The following CDC42EP3 variants were observed in gnomAD, a reference collection of about 807,000 sequenced individuals.
CDC42EP3 encodes the protein CDC42 effector protein 3.
CDC42EP3 carries 4 observed loss-of-function variants against 15.5 expected under a neutral mutation model. That is an observed-to-expected ratio of 0.26 (90% CI 0.13 to 0.59). The LOEUF (loss-of-function observed/expected upper bound fraction) is 0.59, where lower values mean the gene tolerates loss of function less well. CDC42EP3 is among the 20% of genes least tolerant of loss of function. CDC42EP3 has a pLI of 0.89. For synonymous variants in CDC42EP3, 145 were observed against 130.3 expected, an observed-to-expected ratio of 1.11 and a Z score of -0.77; for missense variants, 309 against 311.2, an observed-to-expected ratio of 0.99 and a Z score of 0.05.
At chr2:37,650,301 C>A (rs944618453) in intron 1 of CDC42EP3, among the ~76,000 whole-genome samples, 13 of 152,230 alleles carry the variant, frequency 8.5e-5, no homozygotes, top group African/African-American at 2.9e-4. Context: ...GTCCATGCAG[C>A]TTGATCAGTT....
chr2:37,665,788 C>G (rs1276820002), intron 1 of CDC42EP3, among the ~76,000 whole-genome samples: 1 of 152,128 alleles, frequency 6.6e-6, no homozygotes, highest in Non-Finnish European at 1.5e-5. Flanking sequence ...CTGCACGGGT[C>G]TGTTTTTCAA....
At chr2:37,666,272 G>C (rs79004496) in intron 1 of CDC42EP3, among the ~76,000 whole-genome samples, 2,786 of 152,280 alleles carry the variant, frequency 0.018, 97 homozygotes, top group African/African-American at 0.062. Context: ...CTCTGGACAC[G>C]ACCTCCCTGT....
At chr2:37,650,245 G>A (rs1262005816) in intron 1 of CDC42EP3, among the ~76,000 whole-genome samples, 1 of 152,122 alleles carries the variant, frequency 6.6e-6, no homozygotes, top group African/African-American at 2.4e-5. Flanking sequence ...ATAATTTCTC[G>A]AACTGACCAC....
rs942275809 is a variant in CDC42EP3 at position 37,644,778 on chromosome 2, A to C, written c.*1045T>G. On this transcript the variant is annotated 3_prime_UTR_variant, in exon 2 of 2. Transcript: ENST00000295324. Reference sequence around the variant, plus strand: ...GGCTCATGTACATTTCAGAGAAGCAATTTCTCTAGCTATACTTATTCTCTT... The same window carrying C: ...GGCTCATGTACATTTCAGAGAAGCACTTTCTCTAGCTATACTTATTCTCTT... 1.3e-5 allele frequency: 2 copies of C among 152,154 alleles called. No individual in the cohort carries two copies. Among genetic ancestry groups the C allele is most frequent in the Admixed American group, 6.5e-5 (1 of 15,286 alleles). 9.4% of individuals were successfully genotyped at this position (152,154 alleles called of 1,614,324 possible).
In CDC42EP3 at chr2:37,643,513, A is replaced by C. The variant is rs944571638; in HGVS notation, c.*2310T>G. ...GGCAGGATGTGTGATTAATATTTAG[A>C]ATCTATCAAACCCAGTACTGGCAGG... On this transcript the variant is annotated 3_prime_UTR_variant, in exon 2 of 2. Coordinates refer to ENST00000295324, the MANE Select transcript of CDC42EP3 (RefSeq NM_006449.5). 6.6e-6 allele frequency: 1 copy of C among 152,190 alleles called. No homozygotes were observed. The highest frequency in any genetic ancestry group is 1.5e-5 in the Non-Finnish European group (1 of 68,030). The allele number at this position is 152,190 out of a possible 1,614,324, so 9.4% of individuals were successfully genotyped here.
Position 37,649,445 on chromosome 2 carries a change from C to CAAA in CDC42EP3, c.-235-2626_-235-2624dup, listed in dbSNP as rs57232687. Among the ~76,000 whole-genome samples, 9 of 48,154 alleles carry CAAA rather than the reference C, an allele frequency of 1.9e-4. 1 individual carries two copies. The highest frequency in any genetic ancestry group is 3.7e-4 in the African/African-American group (5 of 13,536). The allele number at this position is 48,154 out of a possible 152,430, so 31.6% of individuals were successfully genotyped here. ...ACTACAGCCTAGCAAGGCCTTGTCTCAAAAAAAAAAAAAAAAAAAAAAAAA... is the reference window on the plus strand; with the variant it reads ...ACTACAGCCTAGCAAGGCCTTGTCTCAAAAAAAAAAAAAAAAAAAAAAAAAAAA... On this transcript the variant is annotated intron_variant, in intron 1 of 1. Transcript: ENST00000295324.
chr2:37,667,659 A>G (rs186237233), intron 1 of CDC42EP3, among the ~76,000 whole-genome samples: 44 of 152,348 alleles, frequency 2.9e-4, no homozygotes, highest in African/African-American at 8.9e-4. Context: ...CTTTAATAAT[A>G]AAATAATTTA....
chr2:37,666,223 G>A (rs544933306), intron 1 of CDC42EP3, among the ~76,000 whole-genome samples: 7 of 152,260 alleles, frequency 4.6e-5, no homozygotes, highest in Non-Finnish European at 8.8e-5. Context: ...CTGCCAGGCT[G>A]GTCCTGCAGC....
intron 1 of CDC42EP3, among the ~76,000 whole-genome samples, chr2:37,660,297 T>C (rs1433037444): frequency 6.6e-6 from 1 of 152,242 alleles, no homozygotes; most frequent in African/African-American, 2.4e-5. Context: ...GTCTCCACAG[T>C]TGGAAGGGAT....
intron 1 of CDC42EP3, among the ~76,000 whole-genome samples, chr2:37,656,990 A>ACCCCCC (rs1558340416): frequency 9.5e-5 from 4 of 42,306 alleles, no homozygotes; most frequent in Non-Finnish European, 1.5e-4. Context: ...CCCCCCCCCC[A>ACCCCCC]CCCCCCGCCC....
rs1438425596 is a variant in CDC42EP3 at position 37,645,439 on chromosome 2, T to G, written c.*384A>C. ...AGGTGTTAAATAAATTTTGACTTCCTCTTGCTCAGAAAATGTCGGAGTGCT... is the reference window on the plus strand; with the variant it reads ...AGGTGTTAAATAAATTTTGACTTCCGCTTGCTCAGAAAATGTCGGAGTGCT... On this transcript the variant is annotated 3_prime_UTR_variant, in exon 2 of 2. Coordinates refer to ENST00000295324, the MANE Select transcript of CDC42EP3 (RefSeq NM_006449.5). 1.2e-5 allele frequency: 2 copies of G among 161,174 alleles called. No homozygotes were observed. Among genetic ancestry groups the G allele is most frequent in the African/African-American group, 2.4e-5 (1 of 41,786 alleles). 10.0% of individuals were successfully genotyped at this position (161,174 alleles called of 1,614,324 possible).
chr2:37,672,679 T>C (rs1311208529), upstream of CDC42EP3: 1 of 152,168 alleles, frequency 6.6e-6, no homozygotes, highest in Non-Finnish European at 1.5e-5. Flanking sequence ...GAAAGGGCGG[T>C]GTTTTCCGGC....
At chr2:37,670,274 T>C (rs1001742619) in intron 1 of CDC42EP3, among the ~76,000 whole-genome samples, 1 of 152,148 alleles carries the variant, frequency 6.6e-6, no homozygotes, top group Non-Finnish European at 1.5e-5. Context: ...TAAAAGGCAG[T>C]ACTCCCAAGA....
Position 37,671,271 on chromosome 2 carries a change from T to C in CDC42EP3, c.-236+155A>G, listed in dbSNP as rs78133183. Among the ~76,000 whole-genome samples the C allele has an allele frequency of 4.2e-3, 641 of 152,324 alleles. 6 individuals are homozygous for C. Among genetic ancestry groups the C allele is most frequent in the African/African-American group, 0.014 (601 of 41,576 alleles). Reference sequence around the variant, plus strand: ...CTTGCTTTATGTCCCCTTCGTTCCGTTGGACACTAGATGGGAAAGCGATGC... The same window carrying C: ...CTTGCTTTATGTCCCCTTCGTTCCGCTGGACACTAGATGGGAAAGCGATGC... On this transcript the variant is annotated intron_variant, in intron 1 of 1. Coordinates refer to ENST00000295324, the MANE Select transcript of CDC42EP3 (RefSeq NM_006449.5).
rs2231501 is a variant in CDC42EP3, at chr2:37,646,788, T to A, written c.-201A>T. 3.6e-3 allele frequency: 1,930 copies of A among 538,574 alleles called. 48 individuals carry two copies. The East Asian group carries it at 0.052, about 14-fold the overall frequency. The allele number at this position is 538,574 out of a possible 1,614,324, so 33.4% of individuals were successfully genotyped here. The stretch of plus-strand genomic sequence containing the variant: ...AAGTGAGGCTTCCTAGAGAGCCAGT[T>A]ACATCATCCAGTCTTGACCACAACC... On this transcript the variant is annotated 5_prime_UTR_variant, in exon 2 of 2. An upstream open reading frame in the 5' UTR loses its in-frame stop. Coordinates refer to ENST00000295324, the MANE Select transcript of CDC42EP3 (RefSeq NM_006449.5).
In CDC42EP3 at chr2:37,657,001, C is replaced by CCTCCCG. The variant is rs1553317252; in HGVS notation, c.-235-10180_-235-10179insCGGGAG. 6.8e-5 allele frequency among the ~76,000 whole-genome samples: 7 copies of CCTCCCG among 103,278 alleles called. No homozygotes were observed. In the East Asian group the frequency reaches 3.7e-3, roughly 55 times the overall value. 67.8% of individuals were successfully genotyped at this position (103,278 alleles called of 152,430 possible). A position where few individuals can be genotyped will look rare whatever the true frequency, so the allele number is the denominator to read the frequency against. On this transcript the variant is annotated intron_variant, in intron 1 of 1. Coordinates refer to ENST00000295324, the MANE Select transcript of CDC42EP3 (RefSeq NM_006449.5). ...AAAGCCCCCCCCCCACCCCCCGCCCCCCGCCATCCTCGAGGAGAAAAACAA... is the reference window on the plus strand; with the variant it reads ...AAAGCCCCCCCCCCACCCCCCGCCCCCTCCCGCCGCCATCCTCGAGGAGAAAAACAA...
At chr2:37,654,229 C>G (rs1373097102) in intron 1 of CDC42EP3, among the ~76,000 whole-genome samples, 3 of 152,072 alleles carry the variant, frequency 2.0e-5, no homozygotes, top group Non-Finnish European at 4.4e-5. Context: ...AGAACATGAT[C>G]CTAGGCTCCA....
chr2:37,656,997 GCCC>G (rs78545677), intron 1 of CDC42EP3, among the ~76,000 whole-genome samples: 1,899 of 38,668 alleles, frequency 0.049, 56 homozygotes, highest in African/African-American at 0.13. Flanking sequence ...CCCACCCCCC[GCCC>G]CCCGCCATCC....
intron 1 of CDC42EP3, 122 bp downstream of exon 1, chr2:37,671,304 A>G (rs970873714): frequency 2.0e-5 from 3 of 152,226 alleles, no homozygotes; most frequent in Non-Finnish European, 4.4e-5. Flanking sequence ...TGCCCTGGGT[A>G]TCCCGACTCC....
Sources: gnomAD v4.1 joint callset for allele counts (sites outside exome capture counted in the v4.1 genomes callset) on GRCh38, gnomAD v4.1.1 for gene constraint, MANE v1.5 for transcripts, NCBI Gene and HGNC (gene_info 2026-07-23, HGNC 2026-07-21) for gene names.